NOL7: variants seen among roughly 807,000 people sequenced by gnomAD.
The protein encoded by NOL7 is nucleolar protein 7, also known as U3 small nucleolar RNA-associated protein NOL7.
A neutral mutation model predicts 38.4 loss-of-function variants in NOL7; 36 were observed. The observed-to-expected ratio is 0.94, with a 90% CI of 0.72 to 1.24. NOL7 has a LOEUF of 1.24. Ranked by LOEUF, NOL7 falls within the 50% of genes most tolerant of loss-of-function variation. NOL7 has a pLI of 0.00. For synonymous variants in NOL7, 142 were observed against 126.5 expected (o/e 1.12, Z -0.82); for missense variants, 350 against 315.1 (o/e 1.11, Z -0.84).
Position 13,620,759 on chromosome 6 carries a change from C to T in NOL7, c.706C>T (p.Gln236Ter). Residue 236 changes from glutamine to a stop codon, truncating the protein, a stop_gained, in exon 8 of 8, where the codon CAA becomes TAA. Coordinates refer to ENST00000451315, the MANE Select transcript of NOL7 (RefSeq NM_016167.5). LOFTEE classifies it high-confidence loss of function. ...VQFLNNAWGIQKKQNAKRFKR... is the reference protein window; with the variant it reads ...VQFLNNAWGI ...CAGAAAACTTTATATTCTAGGAATC[C>T]AAAAAAAACAAAATGCCAAGAGGTT... The T allele has an allele frequency of 6.3e-7, 1 of 1,577,154 alleles. No homozygotes were observed. Among genetic ancestry groups the T allele is most frequent in the Non-Finnish European group, 8.6e-7 (1 of 1,160,152 alleles).
chr6:13,624,568 A>G (rs946019928), downstream of NOL7, among the ~76,000 whole-genome samples: 1 of 152,238 alleles, frequency 6.6e-6, no homozygotes, highest in Non-Finnish European at 1.5e-5. Flanking sequence ...TGTTTTATGT[A>G]AACAATCGAC....
intron 8 of NOL7, among the ~76,000 whole-genome samples, chr6:13,628,842 G>T (rs1434311885): frequency 6.6e-6 from 1 of 152,188 alleles, no homozygotes; most frequent in East Asian, 1.9e-4. Context: ...TAATGTAGTA[G>T]TGCCATTGGT....
chr6:13,632,074 C>T (rs1186250247), intron 8 of NOL7, among the ~76,000 whole-genome samples: 2 of 129,032 alleles, frequency 1.6e-5, no homozygotes, highest in Admixed American at 8.7e-5. Flanking sequence ...ACTAAGTTAA[C>T]GAGGACACAC....
At chr6:13,629,370 C>A (rs1286660598) in intron 8 of NOL7, among the ~76,000 whole-genome samples, 2 of 152,168 alleles carry the variant, frequency 1.3e-5, no homozygotes, top group African/African-American at 4.8e-5. Flanking sequence ...AGTGTCACTA[C>A]AGTTATTAGC....
chr6:13,632,167 T>C (rs1347076442), intron 8 of NOL7, among the ~76,000 whole-genome samples: 1 of 99,492 alleles, frequency 1.0e-5, no homozygotes, highest in African/African-American at 4.1e-5. Flanking sequence ...TTTTTTTTTT[T>C]GCTTTAGTCC....
At chr6:13,616,362 C>T in intron 2 of NOL7, 101 bp from the exon 3 acceptor site, 1 of 740,664 alleles carries the variant, frequency 1.4e-6, no homozygotes, top group South Asian at 1.9e-5. Flanking sequence ...CATTTCTTTG[C>T]CTAGATGTAG....
At chr6:13,622,075 C>G, downstream of NOL7, 3 of 181,578 alleles carry the variant, frequency 1.7e-5, no homozygotes, top group Non-Finnish European at 3.4e-5. Flanking sequence ...TTTTTGGTTT[C>G]TTTTAGGTAA....
intron 5 of NOL7, among the ~76,000 whole-genome samples, chr6:13,619,017 C>G (rs188298318): frequency 1.7e-3 from 254 of 152,326 alleles, no homozygotes; most frequent in African/African-American, 5.9e-3. Context: ...CATTTCACCT[C>G]TCCCAATAGA....
chr6:13,616,553 T>C (rs887556695), intron 3 of NOL7, 32 bp downstream of exon 3: 1 of 1,411,664 alleles, frequency 7.1e-7, no homozygotes, highest in South Asian at 1.2e-5. Flanking sequence ...ATTACTTGCT[T>C]ATATACACCC....
chr6:13,624,162 C>A (rs780034706), downstream of NOL7, among the ~76,000 whole-genome samples: 1 of 152,166 alleles, frequency 6.6e-6, no homozygotes, highest in Non-Finnish European at 1.5e-5. Context: ...TTCCGGAGAA[C>A]TACAACACTG....
intron 8 of NOL7, among the ~76,000 whole-genome samples, chr6:13,627,611 C>G (rs1160724388): frequency 8.5e-6 from 1 of 117,622 alleles, no homozygotes; most frequent in Non-Finnish European, 1.6e-5. Context: ...GCATGGACGA[C>G]AGAGAGAGAC....
At chr6:13,622,560 GAGA>G, downstream of NOL7, 1 of 1,454,356 alleles carries the variant, frequency 6.9e-7, no homozygotes, top group South Asian at 1.4e-5. Context: ...TTTCAATCAG[GAGA>G]ATACTGCAAT....
intron 5 of NOL7, 132 bp downstream of exon 5, chr6:13,618,271 C>G (rs981830031): frequency 1.2e-5 from 3 of 258,512 alleles, no homozygotes; most frequent in African/African-American, 6.8e-5. Context: ...GACGGAGTCT[C>G]GCTCTGTCGC....
rs752025456 is a variant in NOL7, at chr6:13,615,736, G to C, written c.291G>C (p.Lys97Asn). 14 of 1,614,064 alleles carry C rather than the reference G, an allele frequency of 8.7e-6. No individual in the cohort carries two copies. In the Middle Eastern group the frequency reaches 2.0e-3, roughly 227 times the overall value. ...VRRDKTLLKE[K>N]RKRREELFIE... ...GGGATAAAACGCTCCTGAAGGAGAAGAGGAAGCGACGCGAGGAGCTGTTCA... is the reference window on the plus strand; with the variant it reads ...GGGATAAAACGCTCCTGAAGGAGAACAGGAAGCGACGCGAGGAGCTGTTCA... The change falls in exon 2 of 8, where the codon AAG becomes AAC. Residue 97 changes from lysine to asparagine, a missense_variant. Physicochemically the swap from Lys to Asn is moderately conservative, Grantham distance 94. Transcript: ENST00000451315.
rs2127755215 is a variant in NOL7 at position 13,620,204 on chromosome 6, A to G, written c.501-4A>G. The G allele has an allele frequency of 6.2e-7, 1 of 1,604,580 alleles. No homozygotes were observed. Among genetic ancestry groups the G allele is most frequent in the East Asian group, 2.2e-5 (1 of 44,836 alleles). ...CTTATTTAACCTTTTATATTGATCA[A>G]CAGCCAGAATAAAAGCTACTTGGCC... is the stretch of plus-strand genomic sequence containing the variant. On this transcript the variant is annotated splice_polypyrimidine_tract_variant and splice_region_variant and intron_variant, in intron 5 of 7. Transcript: ENST00000451315.
chr6:13,627,795 A>C (rs1764658673), intron 8 of NOL7, among the ~76,000 whole-genome samples: 1 of 152,168 alleles, frequency 6.6e-6, no homozygotes, highest in African/African-American at 2.4e-5. Context: ...GGTAAACAAA[A>C]ACTTCAAGTA....
chr6:13,624,056 G>A (rs1325283984), downstream of NOL7, among the ~76,000 whole-genome samples: 2 of 152,092 alleles, frequency 1.3e-5, no homozygotes, highest in African/African-American at 4.8e-5. Context: ...TTATTACTAA[G>A]TTACTTTTAC....
At chr6:13,622,427 C>G, downstream of NOL7, 1 of 1,607,742 alleles carries the variant, frequency 6.2e-7, no homozygotes, top group Non-Finnish European at 8.5e-7. Context: ...GCCATCAGTC[C>G]TAGACATTGT....
At chr6:13,620,662 C>G in intron 7 of NOL7, 92 bp from the exon 8 acceptor site, 5 of 987,144 alleles carry the variant, frequency 5.1e-6, no homozygotes, top group Non-Finnish European at 7.5e-6. Flanking sequence ...TAAGCCCACC[C>G]AGTTTTAGTA....
Sources: allele counts gnomAD v4.1 joint callset (sites outside exome capture counted in the v4.1 genomes callset), GRCh38; gene constraint gnomAD v4.1.1; transcripts MANE v1.5; gene names NCBI Gene and HGNC (gene_info 2026-07-23, HGNC 2026-07-21).